NBAS: variants seen among roughly 807,000 people sequenced by gnomAD.
The protein encoded by NBAS is NAG/BC035112 fusion.
In NBAS, 219 loss-of-function variants were observed where a neutral mutation model predicts 302.5. The ratio of observed to expected loss-of-function variants is 0.72; its 90% CI spans 0.65 to 0.81. NBAS has a LOEUF of 0.81. Ranked by LOEUF, NBAS falls within the 30% of genes least tolerant of loss-of-function variation. The probability of loss-of-function intolerance (pLI) is 0.00; values close to 1 mark genes in which losing one functional copy is unlikely to be tolerated. For missense variants in NBAS, 2,932 were observed against 2,841.6 expected (o/e 1.03, Z -0.72); for synonymous variants, 1,118 against 1,021.6 (o/e 1.09, Z -1.80).
chr2:15,153,228 T>C, the NBAS span, among the ~76,000 whole-genome samples: 1 of 152,236 alleles, frequency 6.6e-6, no homozygotes, highest in Non-Finnish European at 1.5e-5. Context: ...GTATGGTCAG[T>C]GATGCAGATG....
the NBAS span, among the ~76,000 whole-genome samples, chr2:15,016,477 A>G: frequency 6.6e-6 from 1 of 152,174 alleles, no homozygotes; most frequent in East Asian, 1.9e-4. Context: ...TGAAGAGACT[A>G]TAAAAGAATG....
intron 42 of NBAS, among the ~76,000 whole-genome samples, chr2:15,285,846 G>A (rs60136756): frequency 0.018 from 2,776 of 152,230 alleles, 75 homozygotes; most frequent in East Asian, 0.13. Flanking sequence ...GTAGAGACAG[G>A]GTTTCTCCAT....
chr2:14,912,703 T>TAAA, the NBAS span, among the ~76,000 whole-genome samples: 114 of 78,520 alleles, frequency 1.5e-3, 1 homozygote, highest in African/African-American at 4.0e-3. Context: ...CATTCATTTT[T>TAAA]AAAAAAAAAA....
the NBAS span, among the ~76,000 whole-genome samples, chr2:15,010,345 T>C: frequency 6.6e-6 from 1 of 152,292 alleles, no homozygotes; most frequent in South Asian, 2.1e-4. Context: ...TTTGGGGAAC[T>C]TCTGTCCCAG....
chr2:15,198,855 G>A (rs576901382), intron 48 of NBAS, among the ~76,000 whole-genome samples: 242 of 152,210 alleles, frequency 1.6e-3, no homozygotes, highest in African/African-American at 3.6e-3. Context: ...GGCCGGGCGC[G>A]GTGGCTCACG....
At chr2:14,901,116 A>T in the NBAS span, among the ~76,000 whole-genome samples, 11 of 152,232 alleles carry the variant, frequency 7.2e-5, no homozygotes, top group East Asian at 1.9e-3. Flanking sequence ...CATCTTTGTA[A>T]CCCTAGGGTC....
the NBAS span, among the ~76,000 whole-genome samples, chr2:14,822,813 T>G: frequency 9.2e-5 from 14 of 152,326 alleles, no homozygotes; most frequent in African/African-American, 3.4e-4. Context: ...ACACTTAAAA[T>G]CACTAAAACG....
At chr2:15,208,027 GAT>G (rs71400644) in intron 48 of NBAS, among the ~76,000 whole-genome samples, 28,884 of 151,922 alleles carry the variant, frequency 0.19, 3,447 homozygotes, top group East Asian at 0.46. Flanking sequence ...TGAGCACCCA[GAT>G]ATATATAAAG....
intron 40 of NBAS, among the ~76,000 whole-genome samples, chr2:15,295,497 T>C (rs554941345): frequency 3.9e-5 from 6 of 152,278 alleles, no homozygotes; most frequent in African/African-American, 1.2e-4. Flanking sequence ...AGTGATAATA[T>C]ATAGCGTTCA....
At chr2:14,953,440 G>T in the NBAS span, among the ~76,000 whole-genome samples, 1 of 152,232 alleles carries the variant, frequency 6.6e-6, no homozygotes, top group Non-Finnish European at 1.5e-5. Context: ...CAAAGCAAAC[G>T]TCTCAGCAGC....
At chr2:14,824,748 G>A in the NBAS span, among the ~76,000 whole-genome samples, 1 of 152,142 alleles carries the variant, frequency 6.6e-6, no homozygotes, top group African/African-American at 2.4e-5. Flanking sequence ...AAAGCAGTGG[G>A]AGCTGGAGTA....
At chr2:15,004,488 G>A in the NBAS span, among the ~76,000 whole-genome samples, 2,261 of 152,086 alleles carry the variant, frequency 0.015, 69 homozygotes, top group African/African-American at 0.052. Flanking sequence ...CCTGCCAAAC[G>A]GTGAGTGAGG....
At chr2:15,013,098 A>G in the NBAS span, among the ~76,000 whole-genome samples, 4 of 152,178 alleles carry the variant, frequency 2.6e-5, no homozygotes, top group African/African-American at 7.2e-5. Flanking sequence ...ACCTCAGGTG[A>G]TCTGCCCACC....
chr2:15,061,309 C>T, the NBAS span, among the ~76,000 whole-genome samples: 3 of 152,190 alleles, frequency 2.0e-5, no homozygotes, highest in African/African-American at 7.2e-5. Flanking sequence ...ACCTGCATCC[C>T]AGGTTTGGGG....
chr2:15,407,492 C>G (rs968994149), intron 25 of NBAS, among the ~76,000 whole-genome samples: 1 of 152,166 alleles, frequency 6.6e-6, no homozygotes, highest in Non-Finnish European at 1.5e-5. Flanking sequence ...AATCCCTGAT[C>G]AGATGACAGT....
At chr2:14,956,176 A>G in the NBAS span, among the ~76,000 whole-genome samples, 1 of 152,214 alleles carries the variant, frequency 6.6e-6, no homozygotes, top group African/African-American at 2.4e-5. Context: ...AGTCACTTTT[A>G]TTCCAGTTCA....
At chr2:15,330,070 C>T (rs1043196775) in intron 36 of NBAS, among the ~76,000 whole-genome samples, 3 of 152,164 alleles carry the variant, frequency 2.0e-5, no homozygotes, top group African/African-American at 7.2e-5. Flanking sequence ...GAATGAGATG[C>T]ACATGGAGTG....
At chr2:15,132,865 A>T in the NBAS span, among the ~76,000 whole-genome samples, 1 of 54,646 alleles carries the variant, frequency 1.8e-5, no homozygotes, top group Non-Finnish European at 7.7e-5. Flanking sequence ...CAAACACACT[A>T]AAAAAAAAAA....
At chr2:15,114,737 T>A in the NBAS span, among the ~76,000 whole-genome samples, 2 of 152,194 alleles carry the variant, frequency 1.3e-5, no homozygotes, top group South Asian at 4.1e-4. Context: ...AGCTTCTACC[T>A]CCTGACCAGG....
Sources: gnomAD v4.1 joint callset for allele counts (sites outside exome capture counted in the v4.1 genomes callset) on GRCh38, gnomAD v4.1.1 for gene constraint, MANE v1.5 for transcripts, NCBI Gene and HGNC (gene_info 2026-07-23, HGNC 2026-07-21) for gene names.